Variants in EXOC5 observed in about 807,000 individuals in gnomAD.
The protein encoded by EXOC5 is exocyst complex component 5, also known as SEC10-like 1.
A neutral mutation model predicts 90.8 loss-of-function variants in EXOC5; 17 were observed. The observed-to-expected ratio is 0.19, with a 90% CI of 0.13 to 0.28. The LOEUF (loss-of-function observed/expected upper bound fraction) is 0.28. Among genes scored for constraint, EXOC5 ranks in the 10% least tolerant of loss-of-function variants. The pLI is 1.00. For synonymous variants in EXOC5, 260 were observed against 270.0 expected (o/e 0.96, Z 0.36); for missense variants, 569 against 830.6 (o/e 0.69, Z 3.87).
intron 1 of EXOC5, among the ~76,000 whole-genome samples, chr14:57,263,039 C>T (rs948779722): frequency 6.6e-6 from 1 of 152,196 alleles, no homozygotes; most frequent in Middle Eastern, 3.4e-3. Flanking sequence ...GCCCACGATC[C>T]CTATTTTCCC....
Position 57,268,796 on chromosome 14 carries a change from G to A in EXOC5, c.-148C>T, listed in dbSNP as rs1884788560. 7.1e-7 allele frequency: 1 copy of A among 1,406,824 alleles called. No individual in the cohort carries two copies. Among genetic ancestry groups the A allele is most frequent in the Admixed American group, 3.2e-5 (1 of 31,334 alleles). The allele number at this position is 1,406,824 out of a possible 1,614,324, so 87.1% of individuals were successfully genotyped here. ...CTCCCCAGCTCCCCACAGATCCCAG[G>A]AGGGGCGGGAGAGCGGCCATGAAGC... On this transcript the variant is annotated 5_prime_UTR_variant, in exon 1 of 18. Coordinates refer to ENST00000621441, the MANE Select transcript of EXOC5 (RefSeq NM_006544.4).
At chr14:57,228,541 C>A (rs1883381043) in intron 12 of EXOC5, among the ~76,000 whole-genome samples, 1 of 152,148 alleles carries the variant, frequency 6.6e-6, no homozygotes, top group Non-Finnish European at 1.5e-5. Context: ...AGGATGAGTT[C>A]ATGTCCTTTG....
intron 15 of EXOC5, among the ~76,000 whole-genome samples, chr14:57,212,497 C>T (rs1882859291): frequency 6.6e-6 from 1 of 152,216 alleles, no homozygotes; most frequent in South Asian, 2.1e-4. Context: ...GCTGCATTAG[C>T]ACACTCTAGC....
At chr14:57,212,555 A>G (rs142768292) in intron 15 of EXOC5, among the ~76,000 whole-genome samples, 1 of 152,356 alleles carries the variant, frequency 6.6e-6, no homozygotes, top group Non-Finnish European at 1.5e-5. Flanking sequence ...GAGCCATCTT[A>G]TCACCTGTAT....
At chr14:57,217,112 C>T (rs144289824) in intron 15 of EXOC5, among the ~76,000 whole-genome samples, 5 of 152,214 alleles carry the variant, frequency 3.3e-5, no homozygotes, top group Non-Finnish European at 7.4e-5. Context: ...AGATAACAAG[C>T]GTTGTCAAGA....
chr14:57,251,050 G>C (rs7359064), intron 1 of EXOC5, among the ~76,000 whole-genome samples: 1 of 152,190 alleles, frequency 6.6e-6, no homozygotes, highest in African/African-American at 2.4e-5. Context: ...TCTCCATCTA[G>C]GTAACAACTG....
rs201754053 is a variant in EXOC5, at chr14:57,265,133, C to CT, written c.27+3488dup. On this transcript the variant is annotated intron_variant, in intron 1 of 17. Coordinates refer to ENST00000621441, the MANE Select transcript of EXOC5 (RefSeq NM_006544.4). ...CCATAACTTACTTGGTCACTGAACC[C>CT]TTTTTTTTTTTTTTTGCGACACATC... 4.5e-3 allele frequency among the ~76,000 whole-genome samples: 613 copies of CT among 134,856 alleles called. 1 individual carries two copies. The highest frequency in any genetic ancestry group is 8.1e-3 in the African/African-American group (297 of 36,892). The allele number at this position is 134,856 out of a possible 152,430, so 88.5% of individuals were successfully genotyped here. A position where few individuals can be genotyped will look rare whatever the true frequency, so the allele number is the denominator to read the frequency against.
chr14:57,233,056 T>C (rs1050493994), intron 9 of EXOC5: 2 of 191,992 alleles, frequency 1.0e-5, no homozygotes, highest in Non-Finnish European at 2.1e-5. Context: ...GTACAAACAA[T>C]AGAGTCAATT....
rs1325786947 is a variant in EXOC5, at chr14:57,204,429, C to A, written c.*4180G>T. 6.6e-6 allele frequency: 1 copy of A among 152,048 alleles called. No homozygotes were observed. The highest frequency in any genetic ancestry group is 1.9e-4 in the East Asian group (1 of 5,190). The allele number at this position is 152,048 out of a possible 1,614,324, so 9.4% of individuals were successfully genotyped here. ...CTGATTACATGAAAATGACTATCTACTGTTAATATACTAAATATTTTGCCT... is the reference window on the plus strand; with the variant it reads ...CTGATTACATGAAAATGACTATCTAATGTTAATATACTAAATATTTTGCCT... On this transcript the variant is annotated 3_prime_UTR_variant, in exon 18 of 18. Coordinates refer to ENST00000621441, the MANE Select transcript of EXOC5 (RefSeq NM_006544.4).
chr14:57,268,638 G>T lies in EXOC5; in HGVS notation c.11C>A (p.Thr4Lys). 1 of 1,590,990 alleles carries T rather than the reference G, an allele frequency of 6.3e-7. No homozygotes were observed. Residue 4 changes from threonine (T) to lysine (K), a missense_variant, in exon 1 of 18, where the codon ACG becomes AAG. Thr to Lys is a moderately conservative substitution (Grantham distance 78). Around this residue, in one of 9 missense-constraint regions of EXOC5, gnomAD observed 22 missense variants for 16.6 expected, o/e 1.33. Transcript: ENST00000621441. MATTAELFEEPFVA... is the reference protein window; with the variant it reads MATKAELFEEPFVA... ...GGGGCCCACCTCGAAGAGCTCGGCC[G>T]TGGTAGCCATCCCGGCCGGCTGAGA...
chr14:57,222,258 C>A (rs755218072), intron 13 of EXOC5, 50 bp downstream of exon 13: 1 of 908,960 alleles, frequency 1.1e-6, no homozygotes, highest in Non-Finnish European at 1.7e-6. Flanking sequence ...TATAGTTTAA[C>A]CAAGCAGAAT....
rs961015208 is a variant in EXOC5 at position 57,208,239 on chromosome 14, A to C, written c.*370T>G. 6.1e-6 allele frequency: 1 copy of C among 164,254 alleles called. No individual in the cohort carries two copies. The highest frequency in any genetic ancestry group is 2.4e-5 in the African/African-American group (1 of 41,998). 10.2% of individuals were successfully genotyped at this position (164,254 alleles called of 1,614,324 possible). On this transcript the variant is annotated 3_prime_UTR_variant, in exon 18 of 18. Coordinates refer to ENST00000621441, the MANE Select transcript of EXOC5 (RefSeq NM_006544.4). ...TATTAATGGAAAACAGAATGGCAAA[A>C]TTTCTAAATGGAATATGTTAAAAGT...
At chr14:57,220,122 T>C (rs1379946365) in intron 13 of EXOC5, among the ~76,000 whole-genome samples, 3 of 151,914 alleles carry the variant, frequency 2.0e-5, no homozygotes, top group Non-Finnish European at 4.4e-5. Context: ...AATGAGAAAA[T>C]ACAGGCTTGA....
At chr14:57,229,949 C>T in intron 11 of EXOC5, 68 bp from the exon 12 acceptor site, 1 of 970,764 alleles carries the variant, frequency 1.0e-6, no homozygotes, top group Non-Finnish European at 1.4e-6. Flanking sequence ...TGAGTACTTC[C>T]AAACTTAGTA....
At chr14:57,242,621 C>T (rs1171395303) in intron 4 of EXOC5, among the ~76,000 whole-genome samples, 1 of 152,180 alleles carries the variant, frequency 6.6e-6, no homozygotes, top group Non-Finnish European at 1.5e-5. Context: ...GTGTTGATAT[C>T]TTATCCCATT....
chr14:57,226,724 ATTC>A lies in EXOC5; in HGVS notation c.1296+3007_1296+3009del, dbSNP rs1883319404. On this transcript the variant is annotated intron_variant, in intron 12 of 17. Coordinates refer to ENST00000621441, the MANE Select transcript of EXOC5 (RefSeq NM_006544.4). Reference sequence around the variant, plus strand: ...GATTTTTGACAAAGGTTCTACAGTAATTCAGTGCGGAAAGGATAGTCTTTTCAA... The same window carrying A: ...GATTTTTGACAAAGGTTCTACAGTAAAGTGCGGAAAGGATAGTCTTTTCAA... Among the ~76,000 whole-genome samples the A allele has an allele frequency of 2.6e-5, 4 of 152,300 alleles. No homozygotes were observed. In the East Asian group the frequency reaches 7.7e-4, roughly 29 times the overall value.
At chr14:57,252,180 G>A (rs566919406) in intron 1 of EXOC5, among the ~76,000 whole-genome samples, 1 of 152,266 alleles carries the variant, frequency 6.6e-6, no homozygotes, top group South Asian at 2.1e-4. Flanking sequence ...AACTGAGGAA[G>A]AGGAAACACT....
At chr14:57,252,534 A>T (rs2139660526) in intron 1 of EXOC5, among the ~76,000 whole-genome samples, 1 of 152,316 alleles carries the variant, frequency 6.6e-6, no homozygotes, top group East Asian at 1.9e-4. Flanking sequence ...TATACGAAAA[A>T]ATGCTCAACA....
At position 57,224,092 on chromosome 14, in the gene EXOC5, C is replaced by T. The variant is rs141641802; in HGVS notation, c.1297-1676G>A. On this transcript the variant is annotated intron_variant, in intron 12 of 17. Coordinates refer to ENST00000621441, the MANE Select transcript of EXOC5 (RefSeq NM_006544.4). ...ACAGGGAAATTTGTAAGACAAAACA[C>T]CCGCATTAGATTAGGAAAGAAGAAA... Among the ~76,000 whole-genome samples, 746 of 152,136 alleles carry T rather than the reference C, an allele frequency of 4.9e-3. 4 individuals are homozygous for T. The highest frequency in any genetic ancestry group is 0.017 in the African/African-American group (709 of 41,504).
Sources: gnomAD v4.1 joint callset for allele counts (sites outside exome capture counted in the v4.1 genomes callset) on GRCh38, gnomAD v4.1.1 for gene constraint, gnomAD v4.1.1 regional missense constraint, MANE v1.5 for transcripts, NCBI Gene and HGNC (gene_info 2026-07-23, HGNC 2026-07-21) for gene names.